LMBRD1: variants seen among roughly 807,000 people sequenced by gnomAD.
LMBRD1 encodes the protein LMBR1 domain containing 1, also known as lysosomal cobalamin transport escort protein LMBD1.
Under a neutral mutation model 74.8 loss-of-function variants are expected in LMBRD1, and 64 were observed. The observed-to-expected ratio is 0.86, with a 90% CI of 0.70 to 1.05. LMBRD1 has a LOEUF of 1.05. Among genes scored for constraint, LMBRD1 ranks in the 50% least tolerant of loss-of-function variants. The pLI, the probability that LMBRD1 is intolerant of heterozygous loss-of-function variation, is 0.00. For synonymous variants in LMBRD1, 204 were observed against 216.3 expected, an observed-to-expected ratio of 0.94 and a Z score of 0.50; for missense variants, 652 against 645.9, an observed-to-expected ratio of 1.01 and a Z score of -0.10.
At chr6:69,696,411 T>C (rs1765997723) in intron 14 of LMBRD1, among the ~76,000 whole-genome samples, 1 of 152,268 alleles carries the variant, frequency 6.6e-6, no homozygotes, top group Non-Finnish European at 1.5e-5. Context: ...AATCAGATCA[T>C]AACTTCTACT....
Position 69,780,853 on chromosome 6 carries a change from G to T in LMBRD1, c.247-299C>A, listed in dbSNP as rs117539583. Among the ~76,000 whole-genome samples, 31 of 152,172 alleles carry T rather than the reference G, an allele frequency of 2.0e-4. No individual in the cohort carries two copies. The East Asian group carries it at 5.2e-3, about 26-fold the overall frequency. ...CTGAAAGGAGGGAGAATGATCTCAGGGAAACAGAAAATAGTAGGAAGGAAA... is the reference window on the plus strand; with the variant it reads ...CTGAAAGGAGGGAGAATGATCTCAGTGAAACAGAAAATAGTAGGAAGGAAA... On this transcript the variant is annotated intron_variant, in intron 2 of 15. Transcript: ENST00000649934.
Position 69,752,024 on chromosome 6 carries a change from CTT to C in LMBRD1, c.405+233_405+234del, listed in dbSNP as rs370426447. ...AAAGACTTAGTGTGAAGAAAAGAAA[CTT>C]AATATTTCATTAATAGTTTGACTAT... On this transcript the variant is annotated intron_variant, in intron 4 of 15. Coordinates refer to ENST00000649934, the MANE Select transcript of LMBRD1 (RefSeq NM_018368.4). 1.2e-4 allele frequency among the ~76,000 whole-genome samples: 18 copies of C among 152,164 alleles called. No homozygotes were observed. In the East Asian group the frequency reaches 2.5e-3, roughly 21 times the overall value.
intron 3 of LMBRD1, among the ~76,000 whole-genome samples, chr6:69,775,704 G>A (rs1174683272): frequency 6.6e-6 from 1 of 152,180 alleles, no homozygotes; most frequent in Non-Finnish European, 1.5e-5. Context: ...CTGTGTGACA[G>A]GAAATACACA....
Position 69,784,624 on chromosome 6 carries a change from G to C in LMBRD1, c.247-4070C>G, listed in dbSNP as rs200707604. ...TCCAAGGCAAAATGTCCATGATTGA[G>C]AAATACTGACTTAGAGGTCTCTAAA... On this transcript the variant is annotated intron_variant, in intron 2 of 15. Coordinates refer to ENST00000649934, the MANE Select transcript of LMBRD1 (RefSeq NM_018368.4). Among the ~76,000 whole-genome samples, 4 of 152,176 alleles carry C rather than the reference G, an allele frequency of 2.6e-5. No individual in the cohort carries two copies. The East Asian group carries it at 7.7e-4, about 29-fold the overall frequency.
chr6:69,737,452 T>C (rs557003290), intron 7 of LMBRD1, among the ~76,000 whole-genome samples: 30 of 152,072 alleles, frequency 2.0e-4, no homozygotes, highest in African/African-American at 6.7e-4. Context: ...TATCAAGTTA[T>C]ATAAAATATC....
intron 7 of LMBRD1, among the ~76,000 whole-genome samples, chr6:69,723,774 G>GA (rs1337118807): frequency 2.7e-5 from 4 of 150,842 alleles, no homozygotes; most frequent in Non-Finnish European, 5.9e-5. Context: ...GAAAAATAAA[G>GA]AAAAAACCAT....
chr6:69,782,566 A>G (rs1765858664), intron 2 of LMBRD1, among the ~76,000 whole-genome samples: 2 of 152,112 alleles, frequency 1.3e-5, no homozygotes, highest in Non-Finnish European at 2.9e-5. Flanking sequence ...CTATAATCCC[A>G]GCTTCTTGGA....
chr6:69,736,961 T>G (rs969423983), intron 7 of LMBRD1, among the ~76,000 whole-genome samples: 15 of 152,150 alleles, frequency 9.9e-5, no homozygotes, highest in African/African-American at 3.1e-4. Context: ...AACACAAAAA[T>G]TTCAATGAAT....
At chr6:69,726,698 C>G (rs956704048) in intron 7 of LMBRD1, among the ~76,000 whole-genome samples, 3 of 146,520 alleles carry the variant, frequency 2.0e-5, no homozygotes, top group African/African-American at 7.6e-5. Context: ...CTCGTGGAAA[C>G]AGAGAATTGA....
chr6:69,686,120 T>G (rs1425540641), intron 14 of LMBRD1, among the ~76,000 whole-genome samples: 1 of 152,208 alleles, frequency 6.6e-6, no homozygotes, highest in African/African-American at 2.4e-5. Flanking sequence ...TAAGTCAGTA[T>G]AGTCCAAAGT....
At position 69,704,024 on chromosome 6, in the gene LMBRD1, CACAG is replaced by C. The variant is rs1034303723; in HGVS notation, c.916-2075_916-2072del. Among the ~76,000 whole-genome samples the C allele has an allele frequency of 1.3e-4, 20 of 151,994 alleles. No homozygotes were observed. In the South Asian group the frequency reaches 1.7e-3, roughly 13 times the overall value. On this transcript the variant is annotated intron_variant, in intron 9 of 15. Transcript: ENST00000649934. ...AGATTATGCTTTTTTCCAGAAATGA[CACAG>C]ACAGAGAAGTGTTGAGTCCTTCTCA...
intron 3 of LMBRD1, among the ~76,000 whole-genome samples, chr6:69,766,943 T>C (rs984069857): frequency 3.3e-5 from 5 of 151,818 alleles, no homozygotes; most frequent in African/African-American, 1.2e-4. Context: ...TGGTAATTGA[T>C]TCAATTGGAA....
At chr6:69,676,643 T>A in intron 14 of LMBRD1, 102 bp from the exon 15 acceptor site, 1 of 910,884 alleles carries the variant, frequency 1.1e-6, no homozygotes, top group Non-Finnish European at 1.8e-6. Flanking sequence ...ATGACTAAGA[T>A]CATATGGCTA....
intron 9 of LMBRD1, 131 bp from the exon 10 acceptor site, chr6:69,702,084 A>C: frequency 1.5e-6 from 1 of 646,712 alleles, no homozygotes; most frequent in Non-Finnish European, 2.8e-6. Context: ...ATACATTTTA[A>C]CTTAGTATAC....
chr6:69,778,005 G>A (rs1765742747), intron 3 of LMBRD1, among the ~76,000 whole-genome samples: 3 of 152,238 alleles, frequency 2.0e-5, no homozygotes, highest in Admixed American at 6.5e-5. Flanking sequence ...AATCCTTTCA[G>A]GGTCCTAGCT....
intron 3 of LMBRD1, among the ~76,000 whole-genome samples, chr6:69,772,356 CA>C (rs1400729947): frequency 6.6e-6 from 1 of 152,026 alleles, no homozygotes; most frequent in Non-Finnish European, 1.5e-5. Context: ...AAGGCACAAC[CA>C]AGAACATAAG....
intron 9 of LMBRD1, among the ~76,000 whole-genome samples, chr6:69,712,803 G>C (rs1015963779): frequency 2.6e-5 from 4 of 152,024 alleles, no homozygotes; most frequent in Admixed American, 2.6e-4. Flanking sequence ...CCATGAGAGG[G>C]CCTACAGTCA....
At chr6:69,691,731 C>T (rs1765884016) in intron 14 of LMBRD1, among the ~76,000 whole-genome samples, 1 of 151,870 alleles carries the variant, frequency 6.6e-6, no homozygotes, top group African/African-American at 2.4e-5. Flanking sequence ...AAAAAATTAG[C>T]TGGGCGTGGT....
intron 2 of LMBRD1, among the ~76,000 whole-genome samples, chr6:69,783,920 A>G (rs1225359889): frequency 6.6e-6 from 1 of 152,204 alleles, no homozygotes; most frequent in Non-Finnish European, 1.5e-5. Flanking sequence ...AATCATTGAA[A>G]TTTAGCATCT....
Sources: gnomAD v4.1 joint callset for allele counts (sites outside exome capture counted in the v4.1 genomes callset) on GRCh38, gnomAD v4.1.1 for gene constraint, MANE v1.5 for transcripts, NCBI Gene and HGNC (gene_info 2026-07-23, HGNC 2026-07-21) for gene names.